Variants in FUT5 observed in about 807,000 individuals in gnomAD.
FUT5 encodes the protein 4-galactosyl-N-acetylglucosaminide 3-alpha-L-fucosyltransferase FUT5.
A neutral mutation model predicts 0.8 loss-of-function variants in FUT5; 1 was observed. That is an observed-to-expected ratio of 1.26 (90% CI 0.45 to 5.99). FUT5 has a LOEUF of 5.99. Among genes scored for constraint, FUT5 ranks in the 30% most tolerant of loss-of-function variants. The pLI is 0.15. For synonymous variants in FUT5, 212 were observed against 225.7 expected, an observed-to-expected ratio of 0.94 and a Z score of 0.54; for missense variants, 437 against 517.8, an observed-to-expected ratio of 0.84 and a Z score of 1.51.
Position 5,866,469 on chromosome 19 carries a change from G to C in FUT5, c.*132C>G, listed in dbSNP as rs925942403. 120 of 1,408,476 alleles carry C rather than the reference G, an allele frequency of 8.5e-5. No homozygotes were observed. The East Asian group carries it at 2.0e-3, about 24-fold the overall frequency. The allele number at this position is 1,408,476 out of a possible 1,614,324, so 87.2% of individuals were successfully genotyped here. ...CTCCAGCAGGTGAGGCCCCAGGCAG[G>C]TGAGACCCCAGGCAGCCGAGGCCCC... On this transcript the variant is annotated 3_prime_UTR_variant, in exon 2 of 2. Transcript: ENST00000588525. This position sits in a 1 kb window ranked among gnomAD's most constrained non-coding sequence, Gnocchi z 4.9.
chr19:5,868,232 G>C (rs532657446), intron 1 of FUT5, among the ~76,000 whole-genome samples: 30 of 152,210 alleles, frequency 2.0e-4, no homozygotes, highest in African/African-American at 6.7e-4. Context: ...AGGAGAGGCA[G>C]GGGCTGACCA....
At chr19:5,870,348 A>G (rs1211393859) in intron 1 of FUT5, 117 bp downstream of exon 1, 1 of 152,166 alleles carries the variant, frequency 6.6e-6, no homozygotes, top group East Asian at 1.9e-4. Flanking sequence ...AATTAACAAC[A>G]AAAGGACGCA....
intron 1 of FUT5, among the ~76,000 whole-genome samples, chr19:5,869,221 C>T (rs1052681402): frequency 6.6e-5 from 10 of 151,290 alleles, no homozygotes; most frequent in African/African-American, 2.4e-4. Context: ...CCTCGTGATC[C>T]GCCTGCCTGG....
rs567564989 is a variant in FUT5, at chr19:5,868,352, G to C, written c.-12-615C>G. 4.6e-5 allele frequency among the ~76,000 whole-genome samples: 7 copies of C among 152,234 alleles called. No individual in the cohort carries two copies. In the East Asian group the frequency reaches 1.4e-3, roughly 29 times the overall value. ...AGCACGGAACTGGAGGGAGCCCAGG[G>C]CCCTCAGAGTGTAGGCACTGGGTCT... On this transcript the variant is annotated intron_variant, in intron 1 of 1. Transcript: ENST00000588525.
At position 5,867,869 on chromosome 19, in the gene FUT5, G is replaced by A. The variant is rs1220626659; in HGVS notation, c.-12-132C>T. ...ATGCCCCCAGTACCCCTGAGTTGAGGATTGAATTTATAACTCTGACAGGGA... is the reference window on the plus strand; with the variant it reads ...ATGCCCCCAGTACCCCTGAGTTGAGAATTGAATTTATAACTCTGACAGGGA... On this transcript the variant is annotated intron_variant, in intron 1 of 1. Coordinates refer to ENST00000588525, the MANE Select transcript of FUT5 (RefSeq NM_002034.2). This position sits in a 1 kb window ranked among gnomAD's most constrained non-coding sequence, Gnocchi z 5.0. The A allele has an allele frequency of 1.0e-6, 1 of 968,328 alleles. No individual in the cohort carries two copies. Among genetic ancestry groups the A allele is most frequent in the African/African-American group, 1.6e-5 (1 of 61,448 alleles). The allele number at this position is 968,328 out of a possible 1,614,324, so 60.0% of individuals were successfully genotyped here. A position where few individuals can be genotyped will look rare whatever the true frequency, so the allele number is the denominator to read the frequency against.
At position 5,867,127 on chromosome 19, in the gene FUT5, G is replaced by A. The variant is rs202089653; in HGVS notation, c.599C>T (p.Ser200Leu). The A allele has an allele frequency of 1.1e-5, 18 of 1,613,078 alleles. No homozygotes were observed. The highest frequency in any genetic ancestry group is 6.7e-5 in the Admixed American group (4 of 59,988). ...CCAGGCCACCAGCTCGGTCTTGGCC[G>A]AGAGGTTGAGCGGTGGGTGGGCAGG... is the stretch of plus-strand genomic sequence containing the variant. ...GQPAHPPLNL[S>L]AKTELVAWAV... Residue 200 changes from serine to leucine, a missense_variant, in exon 2 of 2, where the codon TCG becomes TTG. Physicochemically the swap from Ser to Leu is moderately radical, Grantham distance 145. Coordinates refer to ENST00000588525, the MANE Select transcript of FUT5 (RefSeq NM_002034.2). This position sits in a 1 kb window ranked among gnomAD's most constrained non-coding sequence, Gnocchi z 5.0.
chr19:5,866,534 T>G lies in FUT5; in HGVS notation c.*67A>C. ...CCAGGTAGGTAAATCCCCCGACTAG[T>G]GAGACCCTAGGTAGGTGAGGCCCTG... is the stretch of plus-strand genomic sequence containing the variant. On this transcript the variant is annotated 3_prime_UTR_variant, in exon 2 of 2. Coordinates refer to ENST00000588525, the MANE Select transcript of FUT5 (RefSeq NM_002034.2). This position sits in a 1 kb window ranked among gnomAD's most constrained non-coding sequence, Gnocchi z 4.9. 3.8e-5 allele frequency: 61 copies of G among 1,609,038 alleles called. No homozygotes were observed. Among genetic ancestry groups the G allele is most frequent in the Non-Finnish European group, 4.7e-5 (55 of 1,177,202 alleles).
At position 5,866,757 on chromosome 19, in the gene FUT5, G is replaced by T. The variant is rs1486684077; in HGVS notation, c.969C>A (p.Asp323Glu). 9 of 1,599,190 alleles carry T rather than the reference G, an allele frequency of 5.6e-6. No homozygotes were observed. In the South Asian group the frequency reaches 1.0e-4, roughly 18 times the overall value. Residue 323 changes from aspartate (D) to glutamate (E), a missense_variant, in exon 2 of 2, where the codon GAC becomes GAA. This residue lies in a region of FUT5 where 176 missense variants were observed against 275.2 expected (regional missense o/e 0.64). Transcript: ENST00000588525. This position sits in a 1 kb window ranked among gnomAD's most constrained non-coding sequence, Gnocchi z 4.9. ...KDLARYLQEL[D>E]KDHARYLSYF... Reference sequence around the variant, plus strand: ...AGCTCAGGTAGCGGGCGTGGTCCTTGTCCAGCTCCTGCAGGTACCGGGCCA... The same window carrying T: ...AGCTCAGGTAGCGGGCGTGGTCCTTTTCCAGCTCCTGCAGGTACCGGGCCA...
In FUT5 at chr19:5,867,431, G is replaced by A; in HGVS notation, c.295C>T (p.Pro99Ser). ...GTGATGTTGCAGTCGGCCGCGCCGG[G>A]CACCATCTCTGAGCAGCGGGGCAGA... Reference protein sequence around the residue: ...VALPRCSEMVPGAADCNITAD... With the variant: ...VALPRCSEMVSGAADCNITAD... Residue 99 changes from proline (P) to serine (S), a missense_variant, in exon 2 of 2, where the codon CCC becomes TCC. By Grantham distance (74) the Pro-to-Ser change is moderately conservative (BLOSUM62 -1). Around this residue, in one of 2 missense-constraint regions of FUT5, gnomAD observed 261 missense variants for 242.6 expected, o/e 1.08. Coordinates refer to ENST00000588525, the MANE Select transcript of FUT5 (RefSeq NM_002034.2). This position sits in a 1 kb window ranked among gnomAD's most constrained non-coding sequence, Gnocchi z 5.0. 1 of 1,497,448 alleles carries A rather than the reference G, an allele frequency of 6.7e-7. No individual in the cohort carries two copies. The highest frequency in any genetic ancestry group is 9.0e-7 in the Non-Finnish European group (1 of 1,108,436). 92.8% of individuals were successfully genotyped at this position (1,497,448 alleles called of 1,614,324 possible).
In FUT5 at chr19:5,866,848, T is replaced by C; in HGVS notation, c.878A>G (p.Asn293Ser). The change falls in exon 2 of 2, where the codon AAC becomes AGC. Residue 293 changes from asparagine (N) to serine (S), a missense_variant. By Grantham distance (46) the Asn-to-Ser change is conservative. Around this residue, in one of 2 missense-constraint regions of FUT5, gnomAD observed 176 missense variants for 275.2 expected, o/e 0.64. Transcript: ENST00000588525. The surrounding 1 kb of genome is among the most constrained non-coding windows in gnomAD (Gnocchi z 4.9). ...GTCGGGTGGCAGGAACCTCTCGTAG[T>C]TGCTTCTGCTGGGGCCCAGCACCAC... ...VPVVLGPSRS[N>S]YERFLPPDAF... 6 of 1,607,542 alleles carry C rather than the reference T, an allele frequency of 3.7e-6. No individual in the cohort carries two copies. The highest frequency in any genetic ancestry group is 5.1e-6 in the Non-Finnish European group (6 of 1,177,720).
rs938018436 is a variant in FUT5 at position 5,867,974 on chromosome 19, T to C, written c.-12-237A>G. ...AGGAGTTGAGGGAAAGGGTGTCCGT[T>C]GGATGAGGAAAGAGCCAGTGCCAAA... is the stretch of plus-strand genomic sequence containing the variant. On this transcript the variant is annotated intron_variant, in intron 1 of 1. Transcript: ENST00000588525. This position sits in a 1 kb window ranked among gnomAD's most constrained non-coding sequence, Gnocchi z 5.0. Among the ~76,000 whole-genome samples the C allele has an allele frequency of 2.6e-5, 4 of 152,040 alleles. No individual in the cohort carries two copies. Among genetic ancestry groups the C allele is most frequent in the African/African-American group, 9.7e-5 (4 of 41,374 alleles).
In FUT5 at chr19:5,867,306, C is replaced by G. The variant is rs201760120; in HGVS notation, c.420G>C (p.Pro140=). Residue 140 remains proline (P), a synonymous_variant, in exon 2 of 2, where the codon CCG becomes CCC. Transcript: ENST00000588525. This position sits in a 1 kb window ranked among gnomAD's most constrained non-coding sequence, Gnocchi z 5.0. ...TGAACCAGATCCAGCGCTGCCCCTG[C>G]GGCCTGGTGGGGGGCGGGAGGTTGG... ...PSANLPPPTR[P]QGQRWIWFSM... The G allele has an allele frequency of 1.9e-6, 3 of 1,613,588 alleles. No individual in the cohort carries two copies. The highest frequency in any genetic ancestry group is 2.5e-6 in the Non-Finnish European group (3 of 1,180,026).
At chr19:5,870,066 CAAAAAA>C (rs72405451) in intron 1 of FUT5, among the ~76,000 whole-genome samples, 31 of 70,444 alleles carry the variant, frequency 4.4e-4, no homozygotes, top group African/African-American at 1.2e-3. Flanking sequence ...AACTCCATCT[CAAAAAA>C]AAAAAAAAAA....
At position 5,867,386 on chromosome 19, in the gene FUT5, G is replaced by C. The variant is rs750215709; in HGVS notation, c.340C>G (p.Pro114Ala). ...CNITADSSVY[P>A]QADAVIVHHW... ...TGCACGATGACCGCGTCTGCCTGTGGGTACACACTGGAGTCGGCAGTGATG... is the reference window on the plus strand; with the variant it reads ...TGCACGATGACCGCGTCTGCCTGTGCGTACACACTGGAGTCGGCAGTGATG... Residue 114 changes from proline (P) to alanine (A), a missense_variant, in exon 2 of 2, where the codon CCA becomes GCA. Coordinates refer to ENST00000588525, the MANE Select transcript of FUT5 (RefSeq NM_002034.2). This position sits in a 1 kb window ranked among gnomAD's most constrained non-coding sequence, Gnocchi z 5.0. 1.1e-5 allele frequency: 17 copies of C among 1,613,842 alleles called. No homozygotes were observed.
At position 5,867,626 on chromosome 19, in the gene FUT5, G is replaced by A. The variant is rs1568423714; in HGVS notation, c.100C>T (p.Leu34=). The part of the protein sequence containing the change: ...LLVAVCFFSY[L]RVSRDDATGS... Reference sequence around the variant, plus strand: ...GTGGCATCGTCTCGGGACACACGCAGGTAGGAGAAGAAACACACAGCCACC... The same window carrying A: ...GTGGCATCGTCTCGGGACACACGCAAGTAGGAGAAGAAACACACAGCCACC... Residue 34 remains leucine, a synonymous_variant, in exon 2 of 2, where the codon CTG becomes TTG. Transcript: ENST00000588525. The surrounding 1 kb of genome is among the most constrained non-coding windows in gnomAD (Gnocchi z 5.0). The A allele has an allele frequency of 6.2e-7, 1 of 1,613,622 alleles. No individual in the cohort carries two copies. The highest frequency in any genetic ancestry group is 2.2e-5 in the East Asian group (1 of 44,874).
At chr19:5,868,124 C>T (rs2057512042) in intron 1 of FUT5, among the ~76,000 whole-genome samples, 1 of 152,160 alleles carries the variant, frequency 6.6e-6, no homozygotes, top group South Asian at 2.1e-4. Context: ...AAGTTAACCC[C>T]TCTGGCCCTC....
Position 5,867,719 on chromosome 19 carries a change from G to T in FUT5, c.7C>A (p.Pro3Thr), listed in dbSNP as rs764851768. The change falls in exon 2 of 2, where the codon CCC becomes ACC. Residue 3 changes from proline to threonine, a missense_variant. By Grantham distance (38) the Pro-to-Thr change is conservative. Around this residue, in one of 2 missense-constraint regions of FUT5, gnomAD observed 261 missense variants for 242.6 expected, o/e 1.08. Transcript: ENST00000588525. This position sits in a 1 kb window ranked among gnomAD's most constrained non-coding sequence, Gnocchi z 5.0. ...CACTGTGGCTTGGCTGGGCCCAGGG[G>T]ATCCATGGGTCAGAGTAGCTGGGAA... MD[P>T]LGPAKPQWLW... is the part of the protein sequence containing the mutation. 9.9e-6 allele frequency: 16 copies of T among 1,613,120 alleles called. No individual in the cohort carries two copies. Among genetic ancestry groups the T allele is most frequent in the African/African-American group, 9.3e-5 (7 of 74,938 alleles).
Position 5,866,543 on chromosome 19 carries a change from AGGTAGGTGAGGCCCTG to A in FUT5, c.*42_*57del. 3 of 1,611,266 alleles carry A rather than the reference AGGTAGGTGAGGCCCTG, an allele frequency of 1.9e-6. No individual in the cohort carries two copies. Among genetic ancestry groups the A allele is most frequent in the Non-Finnish European group, 2.5e-6 (3 of 1,179,080 alleles). On this transcript the variant is annotated 3_prime_UTR_variant, in exon 2 of 2. Coordinates refer to ENST00000588525, the MANE Select transcript of FUT5 (RefSeq NM_002034.2). This position sits in a 1 kb window ranked among gnomAD's most constrained non-coding sequence, Gnocchi z 4.9. ...TAAATCCCCCGACTAGTGAGACCCT[AGGTAGGTGAGGCCCTG>A]GGAAAGTGAGGTCCCGGCAGCCCAG... is the stretch of plus-strand genomic sequence containing the variant.
rs2057511503 is a variant in FUT5, at chr19:5,867,934, T to G, written c.-12-197A>C. 1.3e-5 allele frequency among the ~76,000 whole-genome samples: 2 copies of G among 152,084 alleles called. No homozygotes were observed. The highest frequency in any genetic ancestry group is 1.3e-4 in the Admixed American group (2 of 15,264). ...TTAGGTTTTGCAGGTAACATAAGAG[T>G]TCTCCAGATAAGGTAGGAGTTGAGG... On this transcript the variant is annotated intron_variant, in intron 1 of 1. Transcript: ENST00000588525. This position sits in a 1 kb window ranked among gnomAD's most constrained non-coding sequence, Gnocchi z 5.0.
Sources: gnomAD v4.1 joint callset for allele counts (sites outside exome capture counted in the v4.1 genomes callset) on GRCh38, gnomAD v4.1.1 for gene constraint, gnomAD v4.1.1 regional missense constraint, Gnocchi (gnomAD v3.1) non-coding constraint, MANE v1.5 for transcripts, NCBI Gene and HGNC (gene_info 2026-07-23, HGNC 2026-07-21) for gene names.